Variants in NDST3 observed in about 807,000 individuals in gnomAD.
The protein encoded by NDST3 is N-deacetylase and N-sulfotransferase 3.
In NDST3, 58 loss-of-function variants were observed where a neutral mutation model predicts 96.1. The ratio of observed to expected loss-of-function variants is 0.60; its 90% CI spans 0.49 to 0.75. The LOEUF is 0.75. NDST3 is among the 30% of genes least tolerant of loss of function. The pLI, the probability that NDST3 is intolerant of heterozygous loss-of-function variation, is 0.00. For missense variants in NDST3, 788 were observed against 1,034.2 expected, an observed-to-expected ratio of 0.76 and a Z score of 3.27; for synonymous variants, 333 against 359.7, an observed-to-expected ratio of 0.93 and a Z score of 0.84.
chr4:118,143,474 C>T, intron 5 of NDST3, 82 bp from the exon 6 acceptor site: 1 of 1,440,724 alleles, frequency 6.9e-7, no homozygotes. Context: ...TGTGCATCAT[C>T]TTGTGTGAGC....
intron 6 of NDST3, among the ~76,000 whole-genome samples, chr4:118,144,468 C>A (rs1171119407): frequency 1.3e-5 from 2 of 152,218 alleles, no homozygotes; most frequent in Non-Finnish European, 2.9e-5. Flanking sequence ...GCGTGAGCCA[C>A]CACGCCTGGC....
At chr4:118,131,259 G>T (rs1478835845) in intron 4 of NDST3, among the ~76,000 whole-genome samples, 2 of 20,776 alleles carry the variant, frequency 9.6e-5, no homozygotes, top group African/African-American at 1.0e-4. Context: ...TGTTGTTTTG[G>T]TTTGGTTTGG....
At chr4:118,227,707 G>C (rs1739991569) in intron 8 of NDST3, among the ~76,000 whole-genome samples, 1 of 150,518 alleles carries the variant, frequency 6.6e-6, no homozygotes, top group African/African-American at 2.4e-5. Context: ...CGCCTCCCGG[G>C]TTCACGCCAT....
chr4:118,248,021 C>T (rs929229389), intron 12 of NDST3, among the ~76,000 whole-genome samples: 9 of 152,080 alleles, frequency 5.9e-5, no homozygotes, highest in South Asian at 4.1e-4. Context: ...ACGATTAACC[C>T]GCACGAGGGT....
At chr4:118,153,014 G>A (rs1232972477) in intron 6 of NDST3, among the ~76,000 whole-genome samples, 1 of 152,128 alleles carries the variant, frequency 6.6e-6, no homozygotes, top group Non-Finnish European at 1.5e-5. Flanking sequence ...CTATGACTGA[G>A]CAACGGCTAC....
chr4:118,082,857 G>C (rs1728130543), intron 2 of NDST3, among the ~76,000 whole-genome samples: 1 of 152,134 alleles, frequency 6.6e-6, no homozygotes, highest in Admixed American at 6.6e-5. Context: ...GGAGGCCTCA[G>C]GGAGCTTCTA....
At chr4:118,110,046 G>A (rs1730514485) in intron 3 of NDST3, among the ~76,000 whole-genome samples, 1 of 152,052 alleles carries the variant, frequency 6.6e-6, no homozygotes, top group Admixed American at 6.6e-5. Context: ...TTCTAGATAA[G>A]AACATAGAAA....
At chr4:118,193,618 G>A (rs370280218) in intron 6 of NDST3, 90 of 1,255,710 alleles carry the variant, frequency 7.2e-5, no homozygotes, top group Admixed American at 5.7e-4. Flanking sequence ...GGGCCTTGGC[G>A]GCTTCGTTGT....
rs564012403 is a variant in NDST3 at position 118,230,302 on chromosome 4, G to C, written c.1820-2710G>C. Among the ~76,000 whole-genome samples the C allele has an allele frequency of 2.6e-5, 4 of 152,182 alleles. No homozygotes were observed. In the South Asian group the frequency reaches 6.2e-4, roughly 24 times the overall value. ...TTTATTAGAAGTGCAGGCCAGGCAC[G>C]GTGGCTCACGCCTGTAATCCCAGCA... On this transcript the variant is annotated intron_variant, in intron 8 of 13. Coordinates refer to ENST00000296499, the MANE Select transcript of NDST3 (RefSeq NM_004784.3).
In NDST3 at chr4:118,065,560, C is replaced by A. The variant is rs141575607; in HGVS notation, c.981+10669C>A. ...TTCTAGAAGTGCATCAATTATGAGA[C>A]TAGAGACTGTTTTGAAAGCCAGTTG... On this transcript the variant is annotated intron_variant, in intron 2 of 13. Coordinates refer to ENST00000296499, the MANE Select transcript of NDST3 (RefSeq NM_004784.3). 5.4e-4 allele frequency among the ~76,000 whole-genome samples: 82 copies of A among 152,164 alleles called. No homozygotes were observed. In the East Asian group the frequency reaches 0.014, roughly 26 times the overall value.
intron 4 of NDST3, among the ~76,000 whole-genome samples, chr4:118,116,462 GA>G (rs140655790): frequency 0.06 from 9,191 of 152,264 alleles, 318 homozygotes; most frequent in Middle Eastern, 0.082. Context: ...TACATCTGCT[GA>G]AAACTAGAAT....
chr4:118,058,956 T>G (rs1272648612), intron 2 of NDST3, among the ~76,000 whole-genome samples: 18 of 152,074 alleles, frequency 1.2e-4, no homozygotes, highest in Admixed American at 1.2e-3. Context: ...TCCCAAGACA[T>G]CTGAGAAGTC....
At chr4:118,236,405 G>A (rs1024901762) in intron 9 of NDST3, among the ~76,000 whole-genome samples, 26 of 151,942 alleles carry the variant, frequency 1.7e-4, no homozygotes, top group South Asian at 4.1e-4. Context: ...CATGACCTTG[G>A]GAAATTTGTT....
rs571300068 is a variant in NDST3, at chr4:118,061,870, G to A, written c.981+6979G>A. Among the ~76,000 whole-genome samples the A allele has an allele frequency of 1.1e-4, 17 of 152,306 alleles. No individual in the cohort carries two copies. The South Asian group carries it at 3.5e-3, about 32-fold the overall frequency. ...ATTCATGAATCAGGCAGCCTCCCGA[G>A]CCAGAGTAGGTTCAGAGACTCCAGC... is the stretch of plus-strand genomic sequence containing the variant. On this transcript the variant is annotated intron_variant, in intron 2 of 13. Transcript: ENST00000296499.
intron 6 of NDST3, among the ~76,000 whole-genome samples, chr4:118,157,571 T>A (rs1401414439): frequency 6.6e-6 from 1 of 151,856 alleles, no homozygotes. Context: ...TACAGGTAGG[T>A]GCCACCATGC....
intron 4 of NDST3, among the ~76,000 whole-genome samples, chr4:118,115,680 G>T (rs1275434033): frequency 1.3e-5 from 2 of 152,148 alleles, no homozygotes; most frequent in Admixed American, 1.3e-4. Flanking sequence ...ACATTATGAA[G>T]AAAAATGTGC....
chr4:118,091,162 G>A lies in NDST3; in HGVS notation c.982-13856G>A, dbSNP rs147068986. Among the ~76,000 whole-genome samples, 804 of 151,700 alleles carry A rather than the reference G, an allele frequency of 5.3e-3. 7 individuals carry two copies. The highest frequency in any genetic ancestry group is 8.2e-3 in the Non-Finnish European group (558 of 67,794). On this transcript the variant is annotated intron_variant, in intron 2 of 13. Coordinates refer to ENST00000296499, the MANE Select transcript of NDST3 (RefSeq NM_004784.3). ...CTTGAGGGTGAAGAGTGGGAGTAGC[G>A]TGAGGATGAAAAACTACCTATTGGG...
intron 1 of NDST3, among the ~76,000 whole-genome samples, chr4:118,044,397 A>G (rs1724635324): frequency 6.6e-6 from 1 of 152,252 alleles, no homozygotes; most frequent in African/African-American, 2.4e-5. Flanking sequence ...TCTATACCAG[A>G]GCATTTAAAA....
intron 2 of NDST3, among the ~76,000 whole-genome samples, chr4:118,075,959 C>G (rs1343646442): frequency 6.6e-6 from 1 of 152,132 alleles, no homozygotes; most frequent in Non-Finnish European, 1.5e-5. Context: ...GTGTTTTAGT[C>G]ATGAAGTTAA....
Sources: gnomAD v4.1 joint callset for allele counts (sites outside exome capture counted in the v4.1 genomes callset) on GRCh38, gnomAD v4.1.1 for gene constraint, MANE v1.5 for transcripts, NCBI Gene and HGNC (gene_info 2026-07-23, HGNC 2026-07-21) for gene names.